UMAD1: variants seen among roughly 807,000 people sequenced by gnomAD.
UMAD1 encodes the protein UBAP1-MVB12-associated (UMA) domain containing 1.
A neutral mutation model predicts 6.1 loss-of-function variants in UMAD1; 8 were observed. The ratio of observed to expected loss-of-function variants is 1.30; its 90% confidence interval spans 0.76 to 2.35. UMAD1 has a LOEUF of 2.35. UMAD1 is among the 30% of genes most tolerant of loss of function. The pLI is 0.00. For synonymous variants in UMAD1, 56 were observed against 31.4 expected, an observed-to-expected ratio of 1.78 and a Z score of -2.61; for missense variants, 130 against 78.4, an observed-to-expected ratio of 1.66 and a Z score of -2.49.
At chr7:7,692,917 T>G (rs988278367) in intron 2 of UMAD1, among the ~76,000 whole-genome samples, 4 of 152,216 alleles carry the variant, frequency 2.6e-5, no homozygotes, top group Non-Finnish European at 5.9e-5. Context: ...AAAATGTGGC[T>G]TTTAAAATGG....
chr7:7,823,919 A>G (rs1227053637), intron 3 of UMAD1, among the ~76,000 whole-genome samples: 3 of 152,122 alleles, frequency 2.0e-5, no homozygotes, highest in Non-Finnish European at 4.4e-5. Flanking sequence ...ATTTAGTATT[A>G]AATGCCTAGC....
intron 1 of UMAD1, among the ~76,000 whole-genome samples, chr7:7,643,357 G>A (rs1391613184): frequency 1.3e-5 from 2 of 152,216 alleles, no homozygotes; most frequent in Non-Finnish European, 2.9e-5. Flanking sequence ...GGAGGGCTCT[G>A]TGCCTGCCGG....
intron 1 of UMAD1, among the ~76,000 whole-genome samples, chr7:7,668,571 CTTAGA>C (rs1484763829): frequency 6.6e-6 from 1 of 152,042 alleles, no homozygotes; most frequent in Non-Finnish European, 1.5e-5. Context: ...TGGATGGGTT[CTTAGA>C]AACTGACTTT....
At chr7:7,835,511 A>T (rs1583861166) in intron 3 of UMAD1, among the ~76,000 whole-genome samples, 1 of 108,200 alleles carries the variant, frequency 9.2e-6, no homozygotes, top group African/African-American at 3.5e-5. Flanking sequence ...AGCTCTTAGC[A>T]ATATATAGAA....
chr7:7,761,375 AG>A (rs1781886818), intron 2 of UMAD1, among the ~76,000 whole-genome samples: 1 of 151,796 alleles, frequency 6.6e-6, no homozygotes, highest in Non-Finnish European at 1.5e-5. Flanking sequence ...AAAAAAAAAA[AG>A]TACCACTTCT....
intron 3 of UMAD1, among the ~76,000 whole-genome samples, chr7:7,823,585 T>C (rs567494223): frequency 2.0e-5 from 3 of 152,242 alleles, no homozygotes; most frequent in South Asian, 4.2e-4. Flanking sequence ...TTTTGGGAGA[T>C]AGGAATTGGG....
intron 2 of UMAD1, among the ~76,000 whole-genome samples, chr7:7,731,371 G>C (rs1781248375): frequency 6.6e-6 from 1 of 152,040 alleles, no homozygotes; most frequent in South Asian, 2.1e-4. Context: ...ACAGGTTAGA[G>C]GACATTTGGA....
intron 2 of UMAD1, among the ~76,000 whole-genome samples, chr7:7,699,551 C>G (rs1780406425): frequency 6.6e-6 from 1 of 152,138 alleles, no homozygotes; most frequent in Admixed American, 6.5e-5. Context: ...AGAACTGAAT[C>G]CCTAGGGTGG....
At chr7:7,645,186 T>C (rs1785065813) in intron 1 of UMAD1, among the ~76,000 whole-genome samples, 1 of 152,224 alleles carries the variant, frequency 6.6e-6, no homozygotes, top group African/African-American at 2.4e-5. Flanking sequence ...GTTTTGTTTC[T>C]TAAGAATTCT....
Position 7,877,522 on chromosome 7 carries a change from T to C in UMAD1, c.398T>C (p.Val133Ala). Residue 133 changes from valine (V) to alanine (A), a missense_variant, in exon 4 of 4, where the codon GTG (valine) becomes GCG (alanine). Physicochemically the swap from Val to Ala is moderately conservative, Grantham distance 64. Coordinates refer to ENST00000682710, the MANE Select transcript of UMAD1 (RefSeq NM_001302348.2). Reference protein sequence around the residue: ...FWYDFTLENSVLCDS With the variant: ...FWYDFTLENSALCDS Reference sequence around the variant, plus strand: ...TATGATTTCACTCTTGAAAATTCAGTGCTCTGTGATTCATAACCTTTATGT... The same window carrying C: ...TATGATTTCACTCTTGAAAATTCAGCGCTCTGTGATTCATAACCTTTATGT... 1 of 717,452 alleles carries C rather than the reference T, an allele frequency of 1.4e-6. No homozygotes were observed. Among genetic ancestry groups the C allele is most frequent in the Non-Finnish European group, 2.6e-6 (1 of 385,088 alleles). 44.4% of individuals were successfully genotyped at this position (717,452 alleles called of 1,614,324 possible). A position where few individuals can be genotyped will look rare whatever the true frequency, so the allele number is the denominator to read the frequency against.
At chr7:7,810,146 A>C (rs1017807811) in intron 3 of UMAD1, among the ~76,000 whole-genome samples, 1 of 152,080 alleles carries the variant, frequency 6.6e-6, no homozygotes, top group African/African-American at 2.4e-5. Flanking sequence ...GTATATAATA[A>C]GTATATTAAT....
intron 3 of UMAD1, among the ~76,000 whole-genome samples, chr7:7,854,836 T>G (rs1477838681): frequency 6.6e-6 from 1 of 152,212 alleles, no homozygotes; most frequent in Non-Finnish European, 1.5e-5. Flanking sequence ...GCAAATCCCT[T>G]CTGCCTATGA....
intron 2 of UMAD1, among the ~76,000 whole-genome samples, chr7:7,798,990 A>T (rs1190300117): frequency 6.6e-6 from 1 of 152,124 alleles, no homozygotes; most frequent in Non-Finnish European, 1.5e-5. Context: ...TGCAAATGAA[A>T]TTTTTTTATC....
intron 2 of UMAD1, among the ~76,000 whole-genome samples, chr7:7,759,204 A>G (rs1369369740): frequency 6.6e-6 from 1 of 152,220 alleles, no homozygotes; most frequent in African/African-American, 2.4e-5. Flanking sequence ...TTTGAGGACA[A>G]AAGTGTATGT....
At chr7:7,819,005 A>G (rs896959805) in intron 3 of UMAD1, among the ~76,000 whole-genome samples, 6 of 152,044 alleles carry the variant, frequency 3.9e-5, no homozygotes, top group Non-Finnish European at 7.4e-5. Flanking sequence ...GCATGCCACA[A>G]CACCCAGCTA....
intron 2 of UMAD1, among the ~76,000 whole-genome samples, chr7:7,791,333 T>C (rs373460296): frequency 3.9e-5 from 6 of 152,356 alleles, no homozygotes; most frequent in Admixed American, 2.0e-4. Context: ...TTGTAGAGCT[T>C]TCTATTGGCA....
chr7:7,860,582 A>G (rs1784095028), intron 3 of UMAD1, among the ~76,000 whole-genome samples: 1 of 140,258 alleles, frequency 7.1e-6, no homozygotes, highest in South Asian at 2.4e-4. Flanking sequence ...AACACTGTGA[A>G]ACCCTGTGTC....
intron 2 of UMAD1, among the ~76,000 whole-genome samples, chr7:7,775,746 G>C (rs1671601796): frequency 6.6e-6 from 1 of 152,174 alleles, no homozygotes; most frequent in South Asian, 2.1e-4. Context: ...TTGGCTGTTT[G>C]TAAAGGAGGT....
chr7:7,868,477 G>T (rs895213422), intron 3 of UMAD1: 1 of 151,938 alleles, frequency 6.6e-6, no homozygotes, highest in Admixed American at 6.6e-5. Flanking sequence ...AGAGGAAGTC[G>T]GGAGAACATT....
Sources: allele counts gnomAD v4.1 joint callset (sites outside exome capture counted in the v4.1 genomes callset), GRCh38; gene constraint gnomAD v4.1.1; transcripts MANE v1.5; gene names NCBI Gene and HGNC (gene_info 2026-07-23, HGNC 2026-07-21).